B4GALNT3: variants seen among roughly 807,000 people sequenced by gnomAD.
B4GALNT3 encodes beta-1,4-N-acetyl-galactosaminyltransferase 3.
B4GALNT3 carries 86 observed loss-of-function variants against 120.2 expected under a neutral mutation model. That is an observed-to-expected ratio of 0.72 (90% CI 0.60 to 0.86). The LOEUF (loss-of-function observed/expected upper bound fraction) is 0.86, where lower values mean the gene tolerates loss of function less well. Ranked by LOEUF, B4GALNT3 falls within the 40% of genes least tolerant of loss-of-function variation. The pLI is 0.00. For synonymous variants in B4GALNT3, 518 were observed against 510.4 expected (o/e 1.01, Z -0.20); for missense variants, 1,167 against 1,298.9 (o/e 0.90, Z 1.56).
At chr12:529,385 C>T (rs542525073) in intron 1 of B4GALNT3, among the ~76,000 whole-genome samples, 1 of 152,284 alleles carries the variant, frequency 6.6e-6, no homozygotes, top group Non-Finnish European at 1.5e-5. Context: ...GGACTTGCGC[C>T]ATCCGCTGGG....
intron 1 of B4GALNT3, among the ~76,000 whole-genome samples, chr12:482,836 C>T (rs1350019036): frequency 6.6e-6 from 1 of 152,184 alleles, no homozygotes; most frequent in Admixed American, 6.5e-5. Flanking sequence ...ATTGCAACCA[C>T]ATTCCAGCCT....
At position 561,870 on chromosome 12, in the gene B4GALNT3, T is replaced by G. The variant is rs1947236182; in HGVS notation, c.*419T>G. On this transcript the variant is annotated 3_prime_UTR_variant, in exon 20 of 20. Coordinates refer to ENST00000266383, the MANE Select transcript of B4GALNT3 (RefSeq NM_173593.4). ...ATATTTTATTGGGGGGCGGGGATTT[T>G]AAAAACAGAAAACCGAAACTGCTGT... is the stretch of plus-strand genomic sequence containing the variant. 6.2e-6 allele frequency: 1 copy of G among 161,448 alleles called. No individual in the cohort carries two copies. The highest frequency in any genetic ancestry group is 2.4e-5 in the African/African-American group (1 of 41,612). 10.0% of individuals were successfully genotyped at this position (161,448 alleles called of 1,614,324 possible).
intron 1 of B4GALNT3, among the ~76,000 whole-genome samples, chr12:466,477 G>A (rs903894592): frequency 8.5e-5 from 13 of 152,168 alleles, no homozygotes; most frequent in Non-Finnish European, 1.5e-4. Flanking sequence ...TCTCAACTAG[G>A]CCAACCAGAC....
rs149065903 is a variant in B4GALNT3 at position 548,344 on chromosome 12, C to A, written c.853+47C>A. ...CCTGGAGATGGAGGCCAGGTGGGGA[C>A]AGCCTACCCTGGGGGATTTGGCAGG... is the stretch of plus-strand genomic sequence containing the variant. On this transcript the variant is annotated intron_variant, in intron 9 of 19. Coordinates refer to ENST00000266383, the MANE Select transcript of B4GALNT3 (RefSeq NM_173593.4). This position sits in a 1 kb window ranked among gnomAD's most constrained non-coding sequence, Gnocchi z 4.9. The A allele has an allele frequency of 1.3e-6, 2 of 1,572,392 alleles. No homozygotes were observed. The highest frequency in any genetic ancestry group is 4.5e-5 in the East Asian group (2 of 44,688).
At chr12:512,266 CCTT>C (rs1162912721) in intron 1 of B4GALNT3, among the ~76,000 whole-genome samples, 7,843 of 74,584 alleles carry the variant, frequency 0.11, 843 homozygotes, top group Non-Finnish European at 0.12. Context: ...CCTTCTTCCA[CCTT>C]CTTCCACCTT....
chr12:552,428 T>C, intron 12 of B4GALNT3, 39 bp from the exon 13 acceptor site: 1 of 1,592,610 alleles, frequency 6.3e-7, no homozygotes, highest in South Asian at 1.1e-5. Context: ...GAGCCCGCCA[T>C]GCACCGGGTG....
At chr12:502,555 A>G (rs1010817632) in intron 1 of B4GALNT3, among the ~76,000 whole-genome samples, 1 of 69,866 alleles carries the variant, frequency 1.4e-5, no homozygotes, top group Non-Finnish European at 2.6e-5. Flanking sequence ...AAGGAGAAAC[A>G]GGCGGGTGAA....
chr12:506,359 T>C (rs1213550771), intron 1 of B4GALNT3, among the ~76,000 whole-genome samples: 1 of 152,204 alleles, frequency 6.6e-6, no homozygotes, highest in Non-Finnish European at 1.5e-5. Context: ...TCCTGACTTC[T>C]AGCCCACTGC....
rs373493005 is a variant in B4GALNT3, at chr12:544,982, G to A, written c.538+10G>A. ...CACCCCTTTACTGATGGTGAGGCCA[G>A]CCCCAAAACCCCATCCTTCTTCCTG... On this transcript the variant is annotated intron_variant, in intron 5 of 19. Transcript: ENST00000266383. 19 of 1,612,934 alleles carry A rather than the reference G, an allele frequency of 1.2e-5. No homozygotes were observed. The African/African-American group carries it at 2.3e-4, about 19-fold the overall frequency.
intron 1 of B4GALNT3, among the ~76,000 whole-genome samples, chr12:508,762 G>A (rs1592029633): frequency 6.6e-6 from 1 of 152,142 alleles, no homozygotes; most frequent in African/African-American, 2.4e-5. Flanking sequence ...ATACTACTTT[G>A]AGGACTGACC....
At chr12:503,688 G>T (rs1946465404) in intron 1 of B4GALNT3, among the ~76,000 whole-genome samples, 2 of 152,180 alleles carry the variant, frequency 1.3e-5, no homozygotes, top group Admixed American at 1.3e-4. Flanking sequence ...AGCTCGTGAT[G>T]ACTAGAGCAA....
chr12:562,995 T>C lies in B4GALNT3; in HGVS notation c.*1544T>C, dbSNP rs892874408. ...TCCCCGAGAGCACGAGTTTGGCACATGGGAGAATGGAGCCCGTGGAGAACC... is the reference window on the plus strand; with the variant it reads ...TCCCCGAGAGCACGAGTTTGGCACACGGGAGAATGGAGCCCGTGGAGAACC... On this transcript the variant is annotated 3_prime_UTR_variant, in exon 20 of 20. Coordinates refer to ENST00000266383, the MANE Select transcript of B4GALNT3 (RefSeq NM_173593.4). This position sits in a 1 kb window ranked among gnomAD's most constrained non-coding sequence, Gnocchi z 5.2. The C allele has an allele frequency of 1.3e-5, 2 of 152,048 alleles. No homozygotes were observed. The highest frequency in any genetic ancestry group is 2.9e-5 in the Non-Finnish European group (2 of 68,024). The allele number at this position is 152,048 out of a possible 1,614,324, so 9.4% of individuals were successfully genotyped here. A position where few individuals can be genotyped will look rare whatever the true frequency, so the allele number is the denominator to read the frequency against.
At chr12:521,073 C>T (rs375589531) in intron 1 of B4GALNT3, among the ~76,000 whole-genome samples, 157 of 152,266 alleles carry the variant, frequency 1.0e-3, no homozygotes, top group Non-Finnish European at 1.4e-3. Context: ...AGAAGTCACA[C>T]CCCCGGTTCA....
intron 1 of B4GALNT3, among the ~76,000 whole-genome samples, chr12:522,979 CTT>C (rs1946726502): frequency 7.1e-6 from 1 of 140,848 alleles, no homozygotes. Context: ...AAAGTGGTAA[CTT>C]TTATGTTATA....
chr12:560,061 G>A (rs930915602), intron 19 of B4GALNT3, among the ~76,000 whole-genome samples: 1 of 152,212 alleles, frequency 6.6e-6, no homozygotes. Context: ...CCAGGCCATG[G>A]GTGGTGAGGA....
chr12:511,467 CA>C, intron 1 of B4GALNT3, among the ~76,000 whole-genome samples: 2 of 88,692 alleles, frequency 2.3e-5, no homozygotes, highest in African/African-American at 5.4e-5. Context: ...TTCCACCTTC[CA>C]CCTTCTTCCA....
At position 553,811 on chromosome 12, in the gene B4GALNT3, C is replaced by T. The variant is rs376341221; in HGVS notation, c.1888C>T (p.Pro630Ser). ...GTTCGAGTACGTACCTGTGTTTGAC[C>T]CGGTAGTAAACTGGGACCAGACCTT... ...EVFEYVPVFD[P>S]VVNWDQTFSA... The change falls in exon 14 of 20, where the codon CCG becomes TCG. Residue 630 changes from proline to serine, a missense_variant. Physicochemically the swap from Pro to Ser is moderately conservative, Grantham distance 74. Around this residue, in one of 3 missense-constraint regions of B4GALNT3, gnomAD observed 983 missense variants for 1,102.5 expected, o/e 0.89. Coordinates refer to ENST00000266383, the MANE Select transcript of B4GALNT3 (RefSeq NM_173593.4). 8 of 1,614,062 alleles carry T rather than the reference C, an allele frequency of 5.0e-6. No homozygotes were observed. In the African/African-American group the frequency reaches 1.1e-4, roughly 22 times the overall value.
chr12:508,741 A>C (rs1374096082), intron 1 of B4GALNT3, among the ~76,000 whole-genome samples: 2 of 152,202 alleles, frequency 1.3e-5, no homozygotes, highest in African/African-American at 2.4e-5. Flanking sequence ...GCCCAAGCAG[A>C]GATTACAAAC....
intron 1 of B4GALNT3, among the ~76,000 whole-genome samples, chr12:484,501 T>A (rs1946271957): frequency 6.6e-6 from 1 of 152,130 alleles, no homozygotes; most frequent in African/African-American, 2.4e-5. Context: ...GAATTATTCG[T>A]GTAAGACCTC....
Sources: gnomAD v4.1 joint callset for allele counts (sites outside exome capture counted in the v4.1 genomes callset) on GRCh38, gnomAD v4.1.1 for gene constraint, gnomAD v4.1.1 regional missense constraint, Gnocchi (gnomAD v3.1) non-coding constraint, MANE v1.5 for transcripts, NCBI Gene and HGNC (gene_info 2026-07-23, HGNC 2026-07-21) for gene names.